Variants in ZPLD1 observed in about 807,000 individuals in gnomAD.
ZPLD1 encodes zona pellucida-like domain-containing protein 1.
A neutral mutation model predicts 47.2 loss-of-function variants in ZPLD1; 34 were observed. The observed-to-expected ratio is 0.72, with a 90% confidence interval of 0.55 to 0.96. ZPLD1 has a LOEUF of 0.96. Among genes scored for constraint, ZPLD1 ranks in the 40% least tolerant of loss-of-function variants. The pLI is 0.00. For synonymous variants in ZPLD1, 176 were observed against 186.2 expected (o/e 0.95, Z 0.45); for missense variants, 512 against 505.8 (o/e 1.01, Z -0.12).
In ZPLD1 at chr3:102,462,268, G is replaced by T. The variant is rs778720708; in HGVS notation, c.583-13G>T. The T allele has an allele frequency of 6.4e-7, 1 of 1,555,080 alleles. No homozygotes were observed. The highest frequency in any genetic ancestry group is 2.3e-5 in the East Asian group (1 of 43,662). On this transcript the variant is annotated splice_polypyrimidine_tract_variant and intron_variant, in intron 6 of 11. Coordinates refer to ENST00000466937, the MANE Select transcript of ZPLD1 (RefSeq NM_001329788.2). ...GGGAGGTAATAATAGATTTTTTATT[G>T]TTTCATCATTAGGATTCAACCTACA...
chr3:102,477,705 A>T lies in ZPLD1; in HGVS notation c.*87A>T. On this transcript the variant is annotated 3_prime_UTR_variant, in exon 12 of 12. Transcript: ENST00000466937. ...CAGTGTTCCGTCTGAATTTCATGTCAGTCCACATTCAATATTTGTAGGTTT... is the reference window on the plus strand; with the variant it reads ...CAGTGTTCCGTCTGAATTTCATGTCTGTCCACATTCAATATTTGTAGGTTT... The T allele has an allele frequency of 8.2e-7, 1 of 1,222,720 alleles. No individual in the cohort carries two copies. The highest frequency in any genetic ancestry group is 1.1e-6 in the Non-Finnish European group (1 of 884,582). The allele number at this position is 1,222,720 out of a possible 1,614,324, so 75.7% of individuals were successfully genotyped here. A position where few individuals can be genotyped will look rare whatever the true frequency, so the allele number is the denominator to read the frequency against.
chr3:102,468,372 A>G (rs1707630277), intron 8 of ZPLD1, among the ~76,000 whole-genome samples: 1 of 152,208 alleles, frequency 6.6e-6, no homozygotes, highest in Admixed American at 6.5e-5. Context: ...AAAAGATTCA[A>G]AAACAATGCA....
chr3:102,458,797 G>C (rs1472558318), intron 6 of ZPLD1, among the ~76,000 whole-genome samples: 1 of 152,150 alleles, frequency 6.6e-6, no homozygotes, highest in Non-Finnish European at 1.5e-5. Context: ...CTTCTGCAAA[G>C]AGAAGCTGTC....
chr3:102,396,191 T>C (rs1706555639), intron 7 of ZPLD1, among the ~76,000 whole-genome samples: 1 of 152,178 alleles, frequency 6.6e-6, no homozygotes, highest in Non-Finnish European at 1.5e-5. Context: ...AGCCGTGCTG[T>C]GCTTCACTAC....
At chr3:102,419,786 ATAACTT>A (rs1363770426) in intron 8 of ZPLD1, among the ~76,000 whole-genome samples, 1 of 152,000 alleles carries the variant, frequency 6.6e-6, no homozygotes, top group Non-Finnish European at 1.5e-5. Flanking sequence ...AATAGCTTGA[ATAACTT>A]TAAGTTCATG....
intron 6 of ZPLD1, 140 bp downstream of exon 6, chr3:102,457,993 C>A: frequency 1.4e-6 from 1 of 701,962 alleles, no homozygotes; most frequent in Non-Finnish European, 2.3e-6. Context: ...TTTTTGCTAC[C>A]ATTTTCATAT....
At chr3:102,463,150 TATAA>T (rs1707535722) in intron 7 of ZPLD1, among the ~76,000 whole-genome samples, 1 of 152,184 alleles carries the variant, frequency 6.6e-6, no homozygotes, top group Non-Finnish European at 1.5e-5. Context: ...GTATTTTTTT[TATAA>T]CATCGGAGTT....
At chr3:102,473,936 C>T (rs1033770707) in intron 10 of ZPLD1, among the ~76,000 whole-genome samples, 2 of 152,198 alleles carry the variant, frequency 1.3e-5, no homozygotes, top group Non-Finnish European at 2.9e-5. Flanking sequence ...TTGCTCTCTT[C>T]AAAGCTCTCT....
intron 6 of ZPLD1, among the ~76,000 whole-genome samples, chr3:102,387,881 C>T (rs1192035428): frequency 2.0e-5 from 2 of 102,104 alleles, no homozygotes; most frequent in Non-Finnish European, 3.6e-5. Context: ...TTTTGTGAGA[C>T]GGAGTCTCTC....
At chr3:102,418,898 C>T (rs1706842892) in intron 8 of ZPLD1, among the ~76,000 whole-genome samples, 1 of 152,030 alleles carries the variant, frequency 6.6e-6, no homozygotes, top group Non-Finnish European at 1.5e-5. Context: ...ACTGTGATTT[C>T]CATTTCTTGG....
chr3:102,464,251 G>T lies in ZPLD1; in HGVS notation c.761G>T (p.Ser254Ile), dbSNP rs1437370109. 6.2e-7 allele frequency: 1 copy of T among 1,607,258 alleles called. No individual in the cohort carries two copies. The highest frequency in any genetic ancestry group is 1.1e-5 in the South Asian group (1 of 90,914). ...NDDIRYDLFLSCDKDPQTTVI... is the reference protein window; with the variant it reads ...NDDIRYDLFLICDKDPQTTVI... ...GACATTCGATATGATCTTTTCCTTA[G>T]GTAAGACTTAGCTGTCTAAGTATTA... Residue 254 changes from serine (S) to isoleucine (I), a missense_variant and splice_region_variant, in exon 8 of 12, where the codon AGC (serine) becomes ATC (isoleucine). Physicochemically the swap from Ser to Ile is moderately radical, Grantham distance 142 (BLOSUM62 -2). Transcript: ENST00000466937.
intron 6 of ZPLD1, among the ~76,000 whole-genome samples, chr3:102,385,984 G>C (rs186687042): frequency 2.6e-5 from 4 of 152,268 alleles, no homozygotes; most frequent in East Asian, 3.9e-4. Context: ...CACTGGACTA[G>C]TAAACTTGAC....
intron 7 of ZPLD1, among the ~76,000 whole-genome samples, chr3:102,398,552 T>A (rs1482961524): frequency 6.6e-6 from 1 of 152,122 alleles, no homozygotes; most frequent in East Asian, 1.9e-4. Flanking sequence ...GACATCTTCC[T>A]AAAACACTGT....
chr3:102,440,337 A>G (rs1339357795), intron 3 of ZPLD1, among the ~76,000 whole-genome samples: 1 of 152,106 alleles, frequency 6.6e-6, no homozygotes, highest in Non-Finnish European at 1.5e-5. Context: ...TTACAAGGGG[A>G]CAGTTATTAA....
chr3:102,452,889 A>T (rs202164690), intron 3 of ZPLD1, 30 bp from the exon 4 acceptor site: 1 of 1,604,236 alleles, frequency 6.2e-7, no homozygotes, highest in Non-Finnish European at 8.5e-7. Context: ...TTTCTGACTT[A>T]TGTTTGTTTT....
At chr3:102,421,956 T>C (rs1264317021) in intron 8 of ZPLD1, among the ~76,000 whole-genome samples, 1 of 152,010 alleles carries the variant, frequency 6.6e-6, no homozygotes, top group Non-Finnish European at 1.5e-5. Flanking sequence ...ATAAATTATT[T>C]CTAGTGATGG....
intron 6 of ZPLD1, among the ~76,000 whole-genome samples, chr3:102,387,728 T>C (rs1706446435): frequency 6.6e-6 from 1 of 152,180 alleles, no homozygotes; most frequent in Non-Finnish European, 1.5e-5. Context: ...GAATTTTCTT[T>C]TTTATATTTG....
Position 102,479,437 on chromosome 3 carries a change from T to C in ZPLD1, c.*1819T>C, listed in dbSNP as rs1411543244. The C allele has an allele frequency of 2.6e-5, 4 of 152,194 alleles. No homozygotes were observed. The highest frequency in any genetic ancestry group is 6.5e-5 in the Admixed American group (1 of 15,278). 9.4% of individuals were successfully genotyped at this position (152,194 alleles called of 1,614,324 possible). ...ATAGGACATTATATCATTTAAGCTG[T>C]TTTGTCAATTTGATTTTTATGCTTT... On this transcript the variant is annotated 3_prime_UTR_variant, in exon 12 of 12. Coordinates refer to ENST00000466937, the MANE Select transcript of ZPLD1 (RefSeq NM_001329788.2).
At chr3:102,432,794 G>A (rs939318237), upstream of ZPLD1, among the ~76,000 whole-genome samples, 2 of 146,950 alleles carry the variant, frequency 1.4e-5, no homozygotes, top group African/African-American at 2.4e-5. Context: ...TAGCTAAATG[G>A]CAAGAAAAAA....
Sources: allele counts gnomAD v4.1 joint callset (sites outside exome capture counted in the v4.1 genomes callset), GRCh38; gene constraint gnomAD v4.1.1; transcripts MANE v1.5; gene names NCBI Gene and HGNC (gene_info 2026-07-23, HGNC 2026-07-21).